Variants in POU6F2 observed in about 807,000 individuals in gnomAD.
POU6F2 encodes POU domain, class 6, transcription factor 2.
A neutral mutation model predicts 71.3 loss-of-function variants in POU6F2; 31 were observed. The observed-to-expected ratio is 0.43, with a 90% CI of 0.33 to 0.59. The LOEUF is 0.59. Ranked by LOEUF, POU6F2 falls within the 20% of genes least tolerant of loss-of-function variation. The pLI is 0.04. For missense variants in POU6F2, 783 were observed against 856.8 expected (o/e 0.91, Z 1.07); for synonymous variants, 347 against 355.7 (o/e 0.98, Z 0.27).
chr7:39,073,601 G>A (rs1004403227), intron 1 of POU6F2, among the ~76,000 whole-genome samples: 4 of 152,198 alleles, frequency 2.6e-5, no homozygotes, highest in Non-Finnish European at 5.9e-5. Context: ...TTAAAGGAGA[G>A]TGGATTACAA....
chr7:39,457,861 C>G (rs776548585), intron 8 of POU6F2, among the ~76,000 whole-genome samples: 3 of 152,196 alleles, frequency 2.0e-5, no homozygotes, highest in South Asian at 2.1e-4. Context: ...TTCCCTCTCT[C>G]AGAGAGGCCA....
intron 4 of POU6F2, among the ~76,000 whole-genome samples, chr7:39,279,615 C>T (rs541980560): frequency 6.6e-6 from 1 of 152,318 alleles, no homozygotes; most frequent in Non-Finnish European, 1.5e-5. Flanking sequence ...GCCTCCCTTG[C>T]CTCTTCCTCA....
chr7:39,202,504 T>C (rs899199036), intron 2 of POU6F2, among the ~76,000 whole-genome samples: 5 of 152,222 alleles, frequency 3.3e-5, no homozygotes, highest in African/African-American at 4.8e-5. Flanking sequence ...TTGCCTAATC[T>C]GAATATTTGA....
intron 4 of POU6F2, among the ~76,000 whole-genome samples, chr7:39,240,850 T>C (rs1468247933): frequency 1.3e-5 from 2 of 152,144 alleles, no homozygotes; most frequent in Non-Finnish European, 2.9e-5. Flanking sequence ...CAGCTCAAAA[T>C]TATTTACCAG....
intron 2 of POU6F2, among the ~76,000 whole-genome samples, chr7:39,105,149 T>C (rs1791652713): frequency 6.6e-6 from 1 of 152,182 alleles, no homozygotes; most frequent in African/African-American, 2.4e-5. Context: ...TGATAGACCT[T>C]TGGTTATAGC....
At chr7:39,302,451 T>G (rs536027173) in intron 4 of POU6F2, among the ~76,000 whole-genome samples, 1 of 152,334 alleles carries the variant, frequency 6.6e-6, no homozygotes, top group East Asian at 1.9e-4. Context: ...AACTCAATAC[T>G]CCACATTGGT....
At chr7:38,986,877 T>A (rs1788476744) in intron 1 of POU6F2, among the ~76,000 whole-genome samples, 1 of 152,166 alleles carries the variant, frequency 6.6e-6, no homozygotes, top group South Asian at 2.1e-4. Context: ...TTCTGCAACT[T>A]ACTTTTACAT....
At position 39,212,998 on chromosome 7, in the gene POU6F2, G is replaced by A. The variant is rs559669930; in HGVS notation, c.598+5378G>A. ...AACGGTAGAGCTGAGTCTACTTCTG[G>A]GACAGATGGTTCAGGTTAGTGACTT... On this transcript the variant is annotated intron_variant, in intron 4 of 9. Coordinates refer to ENST00000518318, the MANE Select transcript of POU6F2 (RefSeq NM_001370959.1). Among the ~76,000 whole-genome samples the A allele has an allele frequency of 1.8e-4, 28 of 152,282 alleles. No homozygotes were observed. The East Asian group carries it at 5.2e-3, about 28-fold the overall frequency.
chr7:38,984,575 C>T (rs1788413612), intron 1 of POU6F2, among the ~76,000 whole-genome samples: 1 of 152,120 alleles, frequency 6.6e-6, no homozygotes, highest in African/African-American at 2.4e-5. Context: ...TACGTTAGCA[C>T]AGGAAAACTA....
intron 4 of POU6F2, among the ~76,000 whole-genome samples, chr7:39,230,561 G>C (rs368146950): frequency 6.6e-6 from 1 of 152,000 alleles, no homozygotes; most frequent in East Asian, 1.9e-4. Flanking sequence ...AGTAATACTT[G>C]CTCAATAAAA....
chr7:39,393,686 G>A (rs1787118962), intron 5 of POU6F2, among the ~76,000 whole-genome samples: 1 of 152,094 alleles, frequency 6.6e-6, no homozygotes, highest in Non-Finnish European at 1.5e-5. Context: ...TTGTGGGATG[G>A]CTAGCATATC....
At chr7:39,371,939 A>C (rs1323255739) in intron 5 of POU6F2, among the ~76,000 whole-genome samples, 1 of 152,136 alleles carries the variant, frequency 6.6e-6, no homozygotes, top group Non-Finnish European at 1.5e-5. Flanking sequence ...TTTTCAAGAC[A>C]GGATCTTGCT....
At chr7:39,189,218 T>G (rs758015227) in intron 2 of POU6F2, among the ~76,000 whole-genome samples, 4 of 152,200 alleles carry the variant, frequency 2.6e-5, no homozygotes, top group Non-Finnish European at 4.4e-5. Context: ...GGATGGACCA[T>G]GGCAAAACCA....
intron 2 of POU6F2, among the ~76,000 whole-genome samples, chr7:39,106,170 A>G (rs558153075): frequency 1.4e-4 from 22 of 152,344 alleles, no homozygotes; most frequent in Middle Eastern, 3.4e-3. Context: ...GATGATGATA[A>G]TGATTGCATA....
chr7:39,013,346 T>G (rs1789373168), intron 1 of POU6F2: 1 of 152,510 alleles, frequency 6.6e-6, no homozygotes, highest in African/African-American at 2.4e-5. Context: ...CCTGACCCCT[T>G]GCGCTTCCCA....
At chr7:39,391,476 T>G (rs75568349) in intron 5 of POU6F2, among the ~76,000 whole-genome samples, 2 of 152,168 alleles carry the variant, frequency 1.3e-5, no homozygotes, top group Non-Finnish European at 2.9e-5. Context: ...GAAAATATAA[T>G]GTACAAAATA....
intron 2 of POU6F2, among the ~76,000 whole-genome samples, chr7:39,143,534 A>G (rs1193175028): frequency 6.6e-6 from 1 of 152,216 alleles, no homozygotes; most frequent in African/African-American, 2.4e-5. Flanking sequence ...AGAGATAGCA[A>G]TGTTTACCCA....
chr7:39,230,757 T>C (rs911490865), intron 4 of POU6F2, among the ~76,000 whole-genome samples: 10 of 152,218 alleles, frequency 6.6e-5, no homozygotes, highest in African/African-American at 2.2e-4. Flanking sequence ...GAATGCCAGT[T>C]AGTACTGGTC....
intron 5 of POU6F2, among the ~76,000 whole-genome samples, chr7:39,369,005 G>C (rs915938212): frequency 6.6e-6 from 1 of 152,164 alleles, no homozygotes; most frequent in African/African-American, 2.4e-5. Context: ...AGATGTGACA[G>C]AATCTCATGT....
Sources: gnomAD v4.1 joint callset for allele counts (sites outside exome capture counted in the v4.1 genomes callset) on GRCh38, gnomAD v4.1.1 for gene constraint, MANE v1.5 for transcripts, NCBI Gene and HGNC (gene_info 2026-07-23, HGNC 2026-07-21) for gene names.